The following CRTC1 variants were observed in gnomAD, a reference collection of about 807,000 sequenced individuals.
CRTC1 encodes the protein CREB regulated transcription coactivator 1.
Under a neutral mutation model 66.1 loss-of-function variants are expected in CRTC1, and 18 were observed. The observed-to-expected ratio is 0.27, with a 90% confidence interval of 0.19 to 0.40. The LOEUF (loss-of-function observed/expected upper bound fraction) is 0.40, where lower values mean the gene tolerates loss of function less well. CRTC1 is among the 10% of genes least tolerant of loss of function. CRTC1 has a pLI of 1.00. For missense variants in CRTC1, 669 were observed against 887.9 expected (o/e 0.75, Z 3.13); for synonymous variants, 416 against 398.8 (o/e 1.04, Z -0.51).
intron 9 of CRTC1, 94 bp downstream of exon 9, chr19:18,765,622 G>A: frequency 1.6e-6 from 2 of 1,274,392 alleles, no homozygotes; most frequent in Non-Finnish European, 2.1e-6. Context: ...CCTTCCAGGA[G>A]GCCACAAAAC....
At chr19:18,744,511 C>T (rs965691055) in intron 2 of CRTC1, among the ~76,000 whole-genome samples, 3 of 147,640 alleles carry the variant, frequency 2.0e-5, no homozygotes, top group Non-Finnish European at 3.0e-5. Flanking sequence ...CACACACACA[C>T]ATACACACAC....
intron 1 of CRTC1, among the ~76,000 whole-genome samples, chr19:18,698,720 C>T (rs2053058331): frequency 6.6e-6 from 1 of 151,764 alleles, no homozygotes; most frequent in South Asian, 2.1e-4. Context: ...GCAGTGTGTA[C>T]TTAGCAGGCA....
At chr19:18,729,697 C>T (rs1297357157) in intron 1 of CRTC1, among the ~76,000 whole-genome samples, 1 of 152,154 alleles carries the variant, frequency 6.6e-6, no homozygotes, top group African/African-American at 2.4e-5. Flanking sequence ...GCCATGATTA[C>T]ACCACTGCAC....
rs751792897 is a variant in CRTC1, at chr19:18,779,043, A to G, written c.*1661A>G. ...CCCTCCCCATACCACGGGCCCTGCA[A>G]GGGAGGCATCAGGGCTGGCTTTGTT... On this transcript the variant is annotated 3_prime_UTR_variant, in exon 14 of 14. Transcript: ENST00000321949. 2.2e-5 allele frequency: 5 copies of G among 232,284 alleles called. No homozygotes were observed. Among genetic ancestry groups the G allele is most frequent in the African/African-American group, 8.8e-5 (4 of 45,272 alleles). 14.4% of individuals were successfully genotyped at this position (232,284 alleles called of 1,614,324 possible).
At chr19:18,719,591 T>A (rs989516281) in intron 1 of CRTC1, among the ~76,000 whole-genome samples, 3 of 152,230 alleles carry the variant, frequency 2.0e-5, no homozygotes, top group African/African-American at 7.2e-5. Flanking sequence ...TTAGCCGTCC[T>A]GGGGGGAGGC....
Position 18,771,123 on chromosome 19 carries a change from C to T in CRTC1, c.1321-319C>T, listed in dbSNP as rs1488325459. On this transcript the variant is annotated intron_variant, in intron 10 of 13. Coordinates refer to ENST00000321949, the MANE Select transcript of CRTC1 (RefSeq NM_015321.3). This position sits in a 1 kb window ranked among gnomAD's most constrained non-coding sequence, Gnocchi z 4.6. The stretch of plus-strand genomic sequence containing the variant: ...GGGTGTGCATGCATGAGAGTGCACA[C>T]GTTGCTATATGGCTCTGAGCCTGCT... Among the ~76,000 whole-genome samples, 5 of 152,114 alleles carry T rather than the reference C, an allele frequency of 3.3e-5. No individual in the cohort carries two copies. The highest frequency in any genetic ancestry group is 7.4e-5 in the Non-Finnish European group (5 of 67,984).
intron 6 of CRTC1, among the ~76,000 whole-genome samples, chr19:18,758,451 A>G (rs1234516093): frequency 3.9e-5 from 6 of 151,910 alleles, no homozygotes; most frequent in Non-Finnish European, 7.4e-5. Flanking sequence ...GTCCAAGAGG[A>G]GCCTATTGTG....
chr19:18,690,799 G>A (rs1438921609), intron 1 of CRTC1, among the ~76,000 whole-genome samples: 1 of 151,944 alleles, frequency 6.6e-6, no homozygotes, highest in Non-Finnish European at 1.5e-5. Flanking sequence ...GCCGGGGTGG[G>A]CAGATCACGA....
At chr19:18,691,003 A>G (rs2385178) in intron 1 of CRTC1, among the ~76,000 whole-genome samples, 96,766 of 146,360 alleles carry the variant, frequency 0.66, 33,690 homozygotes, top group African/African-American at 0.9. Flanking sequence ...TCGAGCATGG[A>G]TGACAGAGCG....
chr19:18,755,584 C>G (rs1466942761), intron 6 of CRTC1, among the ~76,000 whole-genome samples: 1 of 146,608 alleles, frequency 6.8e-6, no homozygotes, highest in Non-Finnish European at 1.5e-5. Flanking sequence ...AGCGTGCCAC[C>G]AAACCTGGCT....
At chr19:18,724,512 A>G (rs768363862) in intron 1 of CRTC1, among the ~76,000 whole-genome samples, 1 of 151,870 alleles carries the variant, frequency 6.6e-6, no homozygotes, top group South Asian at 2.1e-4. Context: ...GTCTTCTCTC[A>G]TGGTTCTAGA....
intron 6 of CRTC1, among the ~76,000 whole-genome samples, chr19:18,756,311 C>G (rs888105755): frequency 4.1e-5 from 5 of 123,126 alleles, no homozygotes; most frequent in Admixed American, 1.0e-4. Flanking sequence ...CCAGCCTGGG[C>G]ACCAAGAGCG....
chr19:18,738,460 A>C (rs1317804879), intron 1 of CRTC1, among the ~76,000 whole-genome samples: 1 of 152,140 alleles, frequency 6.6e-6, no homozygotes, highest in East Asian at 1.9e-4. Flanking sequence ...GGGCCTCCAG[A>C]TGAGACCGTC....
chr19:18,701,139 G>T (rs995074220), intron 1 of CRTC1, among the ~76,000 whole-genome samples: 1 of 152,246 alleles, frequency 6.6e-6, no homozygotes, highest in Non-Finnish European at 1.5e-5. Context: ...CTTCACTGCC[G>T]GCTCAGCCGG....
rs150678604 is a variant in CRTC1, at chr19:18,774,584, G to A, written c.1426-316G>A. Among the ~76,000 whole-genome samples, 1,092 of 152,314 alleles carry A rather than the reference G, an allele frequency of 7.2e-3. 5 individuals carry two copies. Among genetic ancestry groups the A allele is most frequent in the Non-Finnish European group, 0.01 (711 of 68,016 alleles). ...TCTCCTCTGGGGCCTGTTGGGTGGG[G>A]GTTCCTCATCCCTGTGGCCCCCAAC... On this transcript the variant is annotated intron_variant, in intron 11 of 13. Coordinates refer to ENST00000321949, the MANE Select transcript of CRTC1 (RefSeq NM_015321.3).
intron 1 of CRTC1, among the ~76,000 whole-genome samples, chr19:18,698,611 G>A (rs2053055428): frequency 6.6e-6 from 1 of 151,900 alleles, no homozygotes; most frequent in Non-Finnish European, 1.5e-5. Flanking sequence ...CGCTCAGCAG[G>A]CGCAGTGTGT....
At chr19:18,697,065 C>T (rs1450366249) in intron 1 of CRTC1, among the ~76,000 whole-genome samples, 1 of 152,074 alleles carries the variant, frequency 6.6e-6, no homozygotes, top group East Asian at 1.9e-4. Context: ...GTGCCCTGTT[C>T]TTCTGGGTGT....
intron 1 of CRTC1, among the ~76,000 whole-genome samples, chr19:18,695,106 A>G (rs889160622): frequency 6.6e-6 from 1 of 152,026 alleles, no homozygotes; most frequent in African/African-American, 2.4e-5. Flanking sequence ...CCTGACATCA[A>G]GTGATCTGCC....
At position 18,743,597 on chromosome 19, in the gene CRTC1, C is replaced by T. The variant is rs368797486; in HGVS notation, c.243+571C>T. Among the ~76,000 whole-genome samples the T allele has an allele frequency of 4.5e-4, 68 of 152,096 alleles. 1 individual carries two copies. In the South Asian group the frequency reaches 0.013, roughly 28 times the overall value. On this transcript the variant is annotated intron_variant, in intron 2 of 13. Transcript: ENST00000321949. ...CTATGAATCAGGGCCACCCCCAGGACGGTGTCTGGGCTCTGCATGGACAGG... is the reference window on the plus strand; with the variant it reads ...CTATGAATCAGGGCCACCCCCAGGATGGTGTCTGGGCTCTGCATGGACAGG...
Sources: gnomAD v4.1 joint callset for allele counts (sites outside exome capture counted in the v4.1 genomes callset) on GRCh38, gnomAD v4.1.1 for gene constraint, Gnocchi (gnomAD v3.1) non-coding constraint, MANE v1.5 for transcripts, NCBI Gene and HGNC (gene_info 2026-07-23, HGNC 2026-07-21) for gene names.